The following MAPK9 variants were observed in gnomAD, a reference collection of about 807,000 sequenced individuals.
MAPK9 encodes the protein mitogen-activated protein kinase 9.
Under a neutral mutation model 57.1 loss-of-function variants are expected in MAPK9, and 30 were observed. The observed-to-expected ratio is 0.53, with a 90% CI of 0.39 to 0.71. The LOEUF (loss-of-function observed/expected upper bound fraction) is 0.71, where lower values mean the gene tolerates loss of function less well. MAPK9 is among the 30% of genes least tolerant of loss of function. The pLI, the probability that MAPK9 is intolerant of heterozygous loss-of-function variation, is 0.00. For missense variants in MAPK9, 362 were observed against 521.0 expected, an observed-to-expected ratio of 0.69 and a Z score of 2.97; for synonymous variants, 155 against 177.0, an observed-to-expected ratio of 0.88 and a Z score of 0.99.
intron 2 of MAPK9, among the ~76,000 whole-genome samples, chr5:180,272,908 C>A (rs1761472446): frequency 6.6e-6 from 1 of 152,114 alleles, no homozygotes; most frequent in Non-Finnish European, 1.5e-5. Flanking sequence ...AAACTCTTTG[C>A]CAGAGCGTTT....
chr5:180,276,445 A>G (rs1270174864), intron 2 of MAPK9, among the ~76,000 whole-genome samples: 1 of 152,240 alleles, frequency 6.6e-6, no homozygotes, highest in Non-Finnish European at 1.5e-5. Context: ...GAAAAACTGA[A>G]TATATGTATG....
At chr5:180,238,707 C>T (rs542577148) in intron 10 of MAPK9, among the ~76,000 whole-genome samples, 1 of 146,042 alleles carries the variant, frequency 6.8e-6, no homozygotes, top group South Asian at 2.2e-4. Context: ...CTCCTGGATT[C>T]AAGTGATTCT....
intron 4 of MAPK9, among the ~76,000 whole-genome samples, chr5:180,263,444 C>T (rs563365888): frequency 5.9e-5 from 9 of 152,092 alleles, no homozygotes; most frequent in Non-Finnish European, 1.0e-4. Flanking sequence ...GCCAGAGTTA[C>T]GCTTTTCAAA....
intron 2 of MAPK9, among the ~76,000 whole-genome samples, chr5:180,277,785 C>G (rs1761956958): frequency 6.6e-6 from 1 of 152,098 alleles, no homozygotes. Context: ...TTTGGAAAAG[C>G]AAGCTTTTTT....
chr5:180,249,033 C>T lies in MAPK9; in HGVS notation c.556G>A (p.Val186Met), dbSNP rs775293436. Residue 186 changes from valine (V) to methionine (M), a missense_variant, in exon 6 of 12, where the codon GTG (valine) becomes ATG (methionine). This residue lies in a region of MAPK9 where 127 missense variants were observed against 231.7 expected (regional missense o/e 0.55). Transcript: ENST00000452135. The part of the protein sequence containing the change: ...ACTNFMMTPY[V>M]VTRYYRAPEV... ...GGCGCCCGGTAGTACCGTGTCACCACGTAAGGGGTCATCATGAAGTTAGTG... is the reference window on the plus strand; with the variant it reads ...GGCGCCCGGTAGTACCGTGTCACCATGTAAGGGGTCATCATGAAGTTAGTG... The T allele has an allele frequency of 1.2e-6, 2 of 1,613,994 alleles. No individual in the cohort carries two copies. The highest frequency in any genetic ancestry group is 1.7e-6 in the Non-Finnish European group (2 of 1,179,952).
intron 2 of MAPK9, among the ~76,000 whole-genome samples, chr5:180,279,314 G>A (rs1762109449): frequency 6.6e-6 from 1 of 152,160 alleles, no homozygotes; most frequent in African/African-American, 2.4e-5. Context: ...TGTGTCATCA[G>A]GAAGTTAAGA....
intron 2 of MAPK9, among the ~76,000 whole-genome samples, chr5:180,273,280 A>G (rs34344803): frequency 1.9e-3 from 294 of 152,120 alleles, no homozygotes; most frequent in African/African-American, 6.3e-3. Context: ...TTTCAGTCAT[A>G]TATCTTCTCA....
chr5:180,250,843 G>A (rs915523318), intron 5 of MAPK9, among the ~76,000 whole-genome samples: 4 of 152,146 alleles, frequency 2.6e-5, no homozygotes, highest in African/African-American at 9.7e-5. Context: ...GGCCTGAGAG[G>A]AAGAAACCGG....
intron 1 of MAPK9, among the ~76,000 whole-genome samples, chr5:180,284,769 T>C (rs1313914395): frequency 6.6e-6 from 1 of 152,124 alleles, no homozygotes; most frequent in African/African-American, 2.4e-5. Flanking sequence ...CTGAATAAAT[T>C]ATGGCACAGA....
At chr5:180,250,725 TATA>T (rs780761104) in intron 5 of MAPK9, among the ~76,000 whole-genome samples, 3 of 152,142 alleles carry the variant, frequency 2.0e-5, no homozygotes, top group Non-Finnish European at 4.4e-5. Context: ...ATGATAAACA[TATA>T]ATGTTTAAAA....
chr5:180,282,779 C>A (rs1290153932), intron 1 of MAPK9, among the ~76,000 whole-genome samples: 1 of 152,206 alleles, frequency 6.6e-6, no homozygotes, highest in East Asian at 1.9e-4. Context: ...ACTGAGCACC[C>A]GCTGTGGATG....
intron 4 of MAPK9, among the ~76,000 whole-genome samples, chr5:180,262,691 C>A (rs1402581635): frequency 6.6e-6 from 1 of 152,190 alleles, no homozygotes; most frequent in African/African-American, 2.4e-5. Flanking sequence ...CCACCTCGGG[C>A]CTTCCAAAGT....
chr5:180,262,127 C>T (rs1760033036), intron 4 of MAPK9, among the ~76,000 whole-genome samples: 5 of 152,110 alleles, frequency 3.3e-5, no homozygotes, highest in Admixed American at 3.3e-4. Flanking sequence ...AAAGACCATG[C>T]TGTTACAGGC....
intron 10 of MAPK9, among the ~76,000 whole-genome samples, chr5:180,239,570 T>C (rs1458145139): frequency 6.6e-6 from 1 of 152,210 alleles, no homozygotes. Flanking sequence ...CAATCTGCAA[T>C]TTCCCCCAAA....
intron 2 of MAPK9, among the ~76,000 whole-genome samples, chr5:180,276,862 T>C (rs970409021): frequency 1.3e-5 from 2 of 152,282 alleles, no homozygotes; most frequent in East Asian, 3.9e-4. Flanking sequence ...AAAAATAAAA[T>C]AAAATATTTT....
At chr5:180,246,638 A>G (rs951131482) in intron 7 of MAPK9, 1 of 152,244 alleles carries the variant, frequency 6.6e-6, no homozygotes, top group Non-Finnish European at 1.5e-5. Context: ...GAAAAAGGGA[A>G]GATGTGAAGA....
chr5:180,284,619 A>C (rs931365080), intron 1 of MAPK9, among the ~76,000 whole-genome samples: 1 of 152,250 alleles, frequency 6.6e-6, no homozygotes, highest in African/African-American at 2.4e-5. Flanking sequence ...TGCATATCCT[A>C]AACTGGCAAA....
chr5:180,272,902 T>G (rs942660320), intron 2 of MAPK9, among the ~76,000 whole-genome samples: 3 of 152,168 alleles, frequency 2.0e-5, no homozygotes, highest in Non-Finnish European at 4.4e-5. Context: ...AATGTCAAAC[T>G]CTTTGCCAGA....
intron 7 of MAPK9, among the ~76,000 whole-genome samples, chr5:180,243,728 C>T (rs1430781667): frequency 6.6e-6 from 1 of 152,234 alleles, no homozygotes; most frequent in Non-Finnish European, 1.5e-5. Flanking sequence ...ATTCAATTCA[C>T]TAGCAAATTC....
Sources: gnomAD v4.1 joint callset for allele counts (sites outside exome capture counted in the v4.1 genomes callset) on GRCh38, gnomAD v4.1.1 for gene constraint, gnomAD v4.1.1 regional missense constraint, MANE v1.5 for transcripts, NCBI Gene and HGNC (gene_info 2026-07-23, HGNC 2026-07-21) for gene names.